Variants in CELF2 observed in about 807,000 individuals in gnomAD.
The protein encoded by CELF2 is CUG triplet repeat RNA-binding protein 2.
CELF2 carries 8 observed loss-of-function variants against 62.6 expected under a neutral mutation model. That is an observed-to-expected ratio of 0.13 (90% CI 0.07 to 0.23). The LOEUF (loss-of-function observed/expected upper bound fraction) is 0.23. Among genes scored for constraint, CELF2 ranks in the 10% least tolerant of loss-of-function variants. The pLI is 1.00. For missense variants in CELF2, 333 were observed against 671.0 expected (o/e 0.50, Z 5.56); for synonymous variants, 258 against 250.0 (o/e 1.03, Z -0.30).
the CELF2 span, among the ~76,000 whole-genome samples, chr10:10,710,224 T>C: frequency 2.6e-5 from 4 of 152,202 alleles, no homozygotes; most frequent in Admixed American, 2.0e-4. Flanking sequence ...GATAGTATGC[T>C]TGAAGCAAAA....
intron 1 of CELF2, among the ~76,000 whole-genome samples, chr10:11,062,299 A>G (rs1267751283): frequency 6.6e-6 from 1 of 152,242 alleles, no homozygotes; most frequent in African/African-American, 2.4e-5. Context: ...GAGAGGAAGT[A>G]AGTTCCACAT....
chr10:11,261,773 G>C (rs1462752925), intron 5 of CELF2, among the ~76,000 whole-genome samples: 1 of 152,244 alleles, frequency 6.6e-6, no homozygotes, highest in Non-Finnish European at 1.5e-5. Context: ...CAGGCCTGCT[G>C]TAGAAGCCTT....
intron 1 of CELF2, among the ~76,000 whole-genome samples, chr10:10,900,179 CAA>C (rs1272338628): frequency 5.3e-5 from 8 of 152,176 alleles, no homozygotes; most frequent in Non-Finnish European, 8.8e-5. Flanking sequence ...CAATTCTACA[CAA>C]ACTCTTTCAG....
upstream of CELF2, chr10:10,794,939 G>C (rs1236171965): frequency 1.3e-5 from 2 of 152,192 alleles, no homozygotes; most frequent in Non-Finnish European, 2.9e-5. Flanking sequence ...CAGATTCCTT[G>C]CCTCCTAGTG....
rs147123198 is a variant in CELF2 at position 10,957,830 on chromosome 10, C to A, written c.89+37831C>A. 1.1e-4 allele frequency among the ~76,000 whole-genome samples: 17 copies of A among 152,310 alleles called. No homozygotes were observed. Among genetic ancestry groups the A allele is most frequent in the African/African-American group, 4.1e-4 (17 of 41,566 alleles). On this transcript the variant is annotated intron_variant, in intron 2 of 13. Transcript: ENST00000636488. The surrounding 1 kb of genome is among the most constrained non-coding windows in gnomAD (Gnocchi z 4.1). ...CCATCTTCCTAATTGGGATCACATT[C>A]TCTGCTAAGTCTTCTTCTCACCATC... is the stretch of plus-strand genomic sequence containing the variant.
intron 12 of CELF2, among the ~76,000 whole-genome samples, chr10:11,326,188 A>G (rs367729858): frequency 6.6e-6 from 1 of 152,242 alleles, no homozygotes; most frequent in African/African-American, 2.4e-5. Flanking sequence ...GTAATCTTCT[A>G]TACTACACTA....
chr10:10,798,100 C>A (rs1328554760), upstream of CELF2, among the ~76,000 whole-genome samples: 1 of 152,074 alleles, frequency 6.6e-6, no homozygotes, highest in East Asian at 1.9e-4. Context: ...GGTGGGGGAG[C>A]AGTGTAGCAA....
the CELF2 span, among the ~76,000 whole-genome samples, chr10:10,514,838 C>A: frequency 6.6e-6 from 1 of 152,086 alleles, no homozygotes; most frequent in Non-Finnish European, 1.5e-5. Flanking sequence ...AAATCAAGAG[C>A]GTGAGTGTTA....
the CELF2 span, among the ~76,000 whole-genome samples, chr10:10,765,161 ACCTTATCTG>A: frequency 1.3e-5 from 2 of 152,076 alleles, no homozygotes; most frequent in Admixed American, 1.3e-4. Context: ...GGGCAGGAAG[ACCTTATCTG>A]CCAGCTCCCA....
intron 2 of CELF2, among the ~76,000 whole-genome samples, chr10:11,193,576 A>C (rs912474169): frequency 2.0e-5 from 3 of 152,204 alleles, no homozygotes; most frequent in Non-Finnish European, 2.9e-5. Context: ...GTCTTGAGCC[A>C]GCATTCCTGT....
upstream of CELF2, among the ~76,000 whole-genome samples, chr10:11,014,894 T>A (rs554449955): frequency 2.6e-5 from 4 of 152,124 alleles, no homozygotes; most frequent in Non-Finnish European, 5.9e-5. Context: ...AAGAAGAGCT[T>A]AAGGTTTTTC....
At chr10:11,072,012 G>T (rs537122921) in intron 1 of CELF2, among the ~76,000 whole-genome samples, 20 of 152,320 alleles carry the variant, frequency 1.3e-4, no homozygotes, top group African/African-American at 4.8e-4. Context: ...GACACCGTGA[G>T]TTTGGAGATT....
At chr10:10,969,697 C>G (rs1006936700) in intron 2 of CELF2, among the ~76,000 whole-genome samples, 3 of 152,094 alleles carry the variant, frequency 2.0e-5, no homozygotes, top group Non-Finnish European at 2.9e-5. Context: ...GAATACATAT[C>G]AAATATAGAT....
chr10:10,696,384 G>A, the CELF2 span, among the ~76,000 whole-genome samples: 2 of 151,668 alleles, frequency 1.3e-5, no homozygotes, highest in Non-Finnish European at 2.9e-5. Flanking sequence ...CTGCATGCTG[G>A]GAGAACCACT....
intron 1 of CELF2, among the ~76,000 whole-genome samples, chr10:11,127,074 A>G (rs1477547189): frequency 2.6e-5 from 4 of 151,822 alleles, no homozygotes; most frequent in East Asian, 3.9e-4. Context: ...ACGCCCCACT[A>G]TGTGATGTTC....
intron 9 of CELF2, among the ~76,000 whole-genome samples, chr10:11,289,487 G>A (rs915658490): frequency 6.6e-6 from 1 of 152,220 alleles, no homozygotes; most frequent in African/African-American, 2.4e-5. Flanking sequence ...CAGGTTCCTA[G>A]AGCTGGCAGT....
At chr10:10,761,118 C>G in the CELF2 span, among the ~76,000 whole-genome samples, 5 of 152,072 alleles carry the variant, frequency 3.3e-5, no homozygotes, top group African/African-American at 7.2e-5. Flanking sequence ...ATCTTGATGA[C>G]TTGAATTAAG....
At chr10:11,222,314 T>C (rs1462653950) in intron 3 of CELF2, among the ~76,000 whole-genome samples, 2 of 152,238 alleles carry the variant, frequency 1.3e-5, no homozygotes, top group African/African-American at 4.8e-5. Context: ...CATTTTATCA[T>C]TGTCATCATC....
chr10:11,019,456 T>C (rs901892317), intron 1 of CELF2, among the ~76,000 whole-genome samples: 4 of 152,164 alleles, frequency 2.6e-5, no homozygotes, highest in African/African-American at 9.7e-5. Context: ...TTCCAGGCTT[T>C]ATGATCCATT....
Sources: gnomAD v4.1 joint callset for allele counts (sites outside exome capture counted in the v4.1 genomes callset) on GRCh38, gnomAD v4.1.1 for gene constraint, Gnocchi (gnomAD v3.1) non-coding constraint, MANE v1.5 for transcripts, NCBI Gene and HGNC (gene_info 2026-07-23, HGNC 2026-07-21) for gene names.